The following GUCY1A2 variants were observed in gnomAD, a reference collection of about 807,000 sequenced individuals.
GUCY1A2 encodes the protein guanylate cyclase 1 soluble subunit alpha 2.
A neutral mutation model predicts 63.5 loss-of-function variants in GUCY1A2; 27 were observed. The ratio of observed to expected loss-of-function variants is 0.43; its 90% confidence interval spans 0.31 to 0.59. GUCY1A2 has a LOEUF of 0.59. GUCY1A2 is among the 20% of genes least tolerant of loss of function. The pLI, the probability that GUCY1A2 is intolerant of heterozygous loss-of-function variation, is 0.11. For synonymous variants in GUCY1A2, 364 were observed against 343.5 expected (o/e 1.06, Z -0.66); for missense variants, 768 against 913.3 (o/e 0.84, Z 2.05).
At chr11:106,978,491 C>T in intron 3 of GUCY1A2, 128 bp downstream of exon 3, 3 of 570,532 alleles carry the variant, frequency 5.3e-6, no homozygotes, top group Non-Finnish European at 8.8e-6. Flanking sequence ...CCCATCACTT[C>T]ACAAGGTCTG....
chr11:106,824,109 A>G (rs1591291319), intron 4 of GUCY1A2: 2 of 1,508,130 alleles, frequency 1.3e-6, no homozygotes, highest in Admixed American at 3.5e-5. Flanking sequence ...AATAGGACCT[A>G]AAGCTAATCT....
At chr11:106,713,323 C>G (rs1863153981) in intron 6 of GUCY1A2, among the ~76,000 whole-genome samples, 1 of 151,924 alleles carries the variant, frequency 6.6e-6, no homozygotes, top group Non-Finnish European at 1.5e-5. Flanking sequence ...GAAGTGAGAC[C>G]TACTTTTTAA....
chr11:106,802,601 T>A (rs1281963376), intron 5 of GUCY1A2, among the ~76,000 whole-genome samples: 1 of 152,074 alleles, frequency 6.6e-6, no homozygotes, highest in Non-Finnish European at 1.5e-5. Flanking sequence ...CACCATAGAC[T>A]GGGTGGCTTA....
intron 6 of GUCY1A2, among the ~76,000 whole-genome samples, chr11:106,749,251 G>C (rs151150071): frequency 6.6e-6 from 1 of 152,126 alleles, no homozygotes; most frequent in Admixed American, 6.6e-5. Flanking sequence ...ATCATTTAAT[G>C]ATTCATTTCT....
intron 4 of GUCY1A2, chr11:106,826,276 A>G: frequency 1.3e-6 from 1 of 777,196 alleles, no homozygotes. Flanking sequence ...TATCATTATC[A>G]CTTCTGTAAT....
intron 6 of GUCY1A2, among the ~76,000 whole-genome samples, chr11:106,739,703 C>A (rs1427472007): frequency 6.6e-6 from 1 of 152,160 alleles, no homozygotes; most frequent in African/African-American, 2.4e-5. Flanking sequence ...ATTTTCCCTA[C>A]TTTCTTCATT....
chr11:106,702,243 A>G (rs1862829656), intron 7 of GUCY1A2, among the ~76,000 whole-genome samples: 1 of 152,224 alleles, frequency 6.6e-6, no homozygotes, highest in Admixed American at 6.5e-5. Context: ...TAAAAGATGC[A>G]TGAGAGCTCA....
At chr11:106,886,673 CAAAAT>C (rs914611125) in intron 4 of GUCY1A2, among the ~76,000 whole-genome samples, 15 of 151,874 alleles carry the variant, frequency 9.9e-5, no homozygotes, top group African/African-American at 3.6e-4. Flanking sequence ...AAAACAAAAA[CAAAAT>C]AAAAGACCAT....
chr11:106,727,123 T>G (rs1210138184), intron 6 of GUCY1A2, among the ~76,000 whole-genome samples: 1 of 152,126 alleles, frequency 6.6e-6, no homozygotes, highest in Non-Finnish European at 1.5e-5. Context: ...AGAAGTCAAG[T>G]GTTGAAGTAT....
chr11:106,722,722 T>C (rs1198808642), intron 6 of GUCY1A2, among the ~76,000 whole-genome samples: 1 of 152,144 alleles, frequency 6.6e-6, no homozygotes, highest in Non-Finnish European at 1.5e-5. Context: ...GGAAATTTTC[T>C]TTTTCAGAAA....
rs73555833 is a variant in GUCY1A2 at position 107,003,895 on chromosome 11, A to C, written c.303+13858T>G. The stretch of plus-strand genomic sequence containing the variant: ...ATGAAAGGGTAGAGAAGAAAGCAGA[A>C]TTGGGCACAAGGAGAAGTTGGACTA... On this transcript the variant is annotated intron_variant, in intron 1 of 7. Transcript: ENST00000526355. Among the ~76,000 whole-genome samples, 1,407 of 152,288 alleles carry C rather than the reference A, an allele frequency of 9.2e-3. 18 individuals are homozygous for C. The highest frequency in any genetic ancestry group is 0.031 in the African/African-American group (1,295 of 41,564).
intron 5 of GUCY1A2, among the ~76,000 whole-genome samples, chr11:106,786,223 AAAAACAAAAAC>A (rs1475225279): frequency 1.1e-4 from 16 of 152,186 alleles, no homozygotes; most frequent in African/African-American, 1.4e-4. Context: ...GGCTACAAAC[AAAAACAAAAAC>A]AAAACAAAAA....
At chr11:106,752,414 T>C (rs1863896699) in intron 6 of GUCY1A2, among the ~76,000 whole-genome samples, 1 of 152,212 alleles carries the variant, frequency 6.6e-6, no homozygotes, top group Non-Finnish European at 1.5e-5. Flanking sequence ...GTGCACAACA[T>C]GCAGTTTTGT....
At chr11:106,932,893 G>A (rs893081232) in intron 4 of GUCY1A2, among the ~76,000 whole-genome samples, 3 of 152,124 alleles carry the variant, frequency 2.0e-5, no homozygotes, top group East Asian at 1.9e-4. Flanking sequence ...AATAAATGGT[G>A]CTGGGATAGC....
At chr11:106,933,235 C>A (rs1207156453) in intron 4 of GUCY1A2, among the ~76,000 whole-genome samples, 1 of 151,948 alleles carries the variant, frequency 6.6e-6, no homozygotes, top group East Asian at 1.9e-4. Flanking sequence ...TAACCAAAAT[C>A]TATAAGGAAG....
chr11:106,742,111 T>C (rs17650405), intron 6 of GUCY1A2, among the ~76,000 whole-genome samples: 4,547 of 152,344 alleles, frequency 0.03, 106 homozygotes, highest in South Asian at 0.07. Context: ...CATGTTGTTA[T>C]CAAAATACAC....
chr11:106,941,996 C>T (rs1565338568), intron 3 of GUCY1A2, among the ~76,000 whole-genome samples: 1 of 152,178 alleles, frequency 6.6e-6, no homozygotes, highest in Non-Finnish European at 1.5e-5. Context: ...GACTGCTCTT[C>T]AACATGTGTT....
chr11:107,015,628 A>G (rs993206827), intron 1 of GUCY1A2, among the ~76,000 whole-genome samples: 1 of 150,590 alleles, frequency 6.6e-6, no homozygotes, highest in African/African-American at 2.4e-5. Context: ...AATTCTCCCC[A>G]AACTAATCAT....
chr11:106,943,353 G>T (rs1176925955), intron 3 of GUCY1A2, among the ~76,000 whole-genome samples: 1 of 152,146 alleles, frequency 6.6e-6, no homozygotes, highest in Admixed American at 6.5e-5. Context: ...TGACATCTGG[G>T]TCTATAAGAA....
Sources: allele counts gnomAD v4.1 joint callset (sites outside exome capture counted in the v4.1 genomes callset), GRCh38; gene constraint gnomAD v4.1.1; transcripts MANE v1.5; gene names NCBI Gene and HGNC (gene_info 2026-07-23, HGNC 2026-07-21).